Variants in PCDHGB6 observed in about 807,000 individuals in gnomAD.
PCDHGB6 encodes protocadherin gamma-B6.
In PCDHGB6, 51 loss-of-function variants were observed where a neutral mutation model predicts 59.1. The observed-to-expected ratio is 0.86, with a 90% CI of 0.69 to 1.09. The LOEUF (loss-of-function observed/expected upper bound fraction) is 1.09. Ranked by LOEUF, PCDHGB6 falls within the 50% of genes least tolerant of loss-of-function variation. The pLI is 0.00. For synonymous variants in PCDHGB6, 466 were observed against 495.1 expected, an observed-to-expected ratio of 0.94 and a Z score of 0.78; for missense variants, 1,148 against 1,205.1, an observed-to-expected ratio of 0.95 and a Z score of 0.70.
intron 1 of PCDHGB6, chr5:141,441,917 A>G (rs979307331): frequency 3.1e-5 from 11 of 352,364 alleles, no homozygotes; most frequent in African/African-American, 2.0e-4. Context: ...GATGTGAGAC[A>G]CAATGCGTGG....
chr5:141,433,079 A>C, intron 1 of PCDHGB6: 1 of 1,614,208 alleles, frequency 6.2e-7, no homozygotes, highest in South Asian at 1.1e-5. Flanking sequence ...CCCCCAGCCC[A>C]ACTATGCAGA....
intron 1 of PCDHGB6, among the ~76,000 whole-genome samples, chr5:141,492,670 C>T (rs567661944): frequency 6.6e-6 from 1 of 152,344 alleles, no homozygotes; most frequent in South Asian, 2.1e-4. Context: ...CCCGGGACTC[C>T]GTCTCAAGGG....
intron 1 of PCDHGB6, among the ~76,000 whole-genome samples, chr5:141,452,356 C>G (rs1008914676): frequency 6.6e-6 from 1 of 152,148 alleles, no homozygotes; most frequent in African/African-American, 2.4e-5. Flanking sequence ...ATCCAAAAGC[C>G]TTGCTTCATT....
At position 141,491,971 on chromosome 5, in the gene PCDHGB6, T is replaced by C. The variant is rs62379205; in HGVS notation, c.2419-2836T>C. ...CCTACACTCAAAAAAGGCCGGGGCC[T>C]CCTTCGAGCTTCCGGTGAATTTCGG... is the stretch of plus-strand genomic sequence containing the variant. On this transcript the variant is annotated intron_variant, in intron 1 of 3. Coordinates refer to ENST00000520790, the MANE Select transcript of PCDHGB6 (RefSeq NM_018926.3). This position sits in a 1 kb window ranked among gnomAD's most constrained non-coding sequence, Gnocchi z 6.9. The C allele has an allele frequency of 0.2, 165,735 of 830,872 alleles. 17,637 individuals are homozygous for C. Among genetic ancestry groups the C allele is most frequent in the Admixed American group, 0.32 (8,466 of 26,688 alleles). 51.5% of individuals were successfully genotyped at this position (830,872 alleles called of 1,614,324 possible).
At chr5:141,415,909 C>A in intron 1 of PCDHGB6, 1 of 761,030 alleles carries the variant, frequency 1.3e-6, no homozygotes, top group Non-Finnish European at 1.8e-6. Flanking sequence ...GACTTCCATA[C>A]AGAAGTGCCT....
chr5:141,445,093 A>G (rs987863232), intron 1 of PCDHGB6, among the ~76,000 whole-genome samples: 2 of 152,168 alleles, frequency 1.3e-5, no homozygotes, highest in Non-Finnish European at 2.9e-5. Flanking sequence ...TACATATTTG[A>G]TGTTTTCTAA....
Position 141,485,585 on chromosome 5 carries a change from C to G in PCDHGB6, c.2419-9222C>G, listed in dbSNP as rs373987810. The G allele has an allele frequency of 7.4e-6, 12 of 1,612,204 alleles. No individual in the cohort carries two copies. The highest frequency in any genetic ancestry group is 1.0e-5 in the Non-Finnish European group (12 of 1,178,590). On this transcript the variant is annotated intron_variant, in intron 1 of 3. Transcript: ENST00000520790. The surrounding 1 kb of genome is among the most constrained non-coding windows in gnomAD (Gnocchi z 5.7). ...CGCCCCCCGTTTTCCGCGGCAGCAG[C>G]TGGACTTGGAAATTGGGGAGGCAGC...
chr5:141,420,496 G>T, intron 1 of PCDHGB6: 1 of 495,924 alleles, frequency 2.0e-6, no homozygotes, highest in Non-Finnish European at 3.1e-6. Context: ...GTAATCTCCG[G>T]TGACATTTTT....
In PCDHGB6 at chr5:141,431,930, C is replaced by A. The variant is rs761060241; in HGVS notation, c.2418+21310C>A. 236 of 1,613,932 alleles carry A rather than the reference C, an allele frequency of 1.5e-4. 1 individual carries two copies. The highest frequency in any genetic ancestry group is 1.4e-3 in the South Asian group (124 of 91,086). The stretch of plus-strand genomic sequence containing the variant: ...GATCTGTTTCATCCAAGGAAATCTG[C>A]CCTTTAAATTAGAAAAATCTTACGG... On this transcript the variant is annotated intron_variant, in intron 1 of 3. Transcript: ENST00000520790. This position sits in a 1 kb window ranked among gnomAD's most constrained non-coding sequence, Gnocchi z 4.8.
rs779750859 is a variant in PCDHGB6, at chr5:141,476,273, A to G, written c.2419-18534A>G. On this transcript the variant is annotated intron_variant, in intron 1 of 3. Transcript: ENST00000520790. The surrounding 1 kb of genome is among the most constrained non-coding windows in gnomAD (Gnocchi z 7.6). Reference sequence around the variant, plus strand: ...TTTCGCTGTGGGCAACGTGGTCGCGAACCTTGGTTTGGATCTCGGTAGCCT... The same window carrying G: ...TTTCGCTGTGGGCAACGTGGTCGCGGACCTTGGTTTGGATCTCGGTAGCCT... 6.2e-7 allele frequency: 1 copy of G among 1,613,964 alleles called. No individual in the cohort carries two copies. The highest frequency in any genetic ancestry group is 1.1e-5 in the South Asian group (1 of 91,064).
intron 1 of PCDHGB6, among the ~76,000 whole-genome samples, chr5:141,451,703 A>G (rs975120935): frequency 6.6e-6 from 1 of 152,144 alleles, no homozygotes; most frequent in Non-Finnish European, 1.5e-5. Flanking sequence ...GTAACATGAC[A>G]AAACCCTGCC....
intron 1 of PCDHGB6, chr5:141,418,087 C>G (rs2096220274): frequency 6.2e-7 from 1 of 1,613,894 alleles, no homozygotes; most frequent in African/African-American, 1.3e-5. Context: ...TGCACTTCAG[C>G]GTAGACGCGC....
At position 141,477,591 on chromosome 5, in the gene PCDHGB6, T is replaced by C; in HGVS notation, c.2419-17216T>C. On this transcript the variant is annotated intron_variant, in intron 1 of 3. Coordinates refer to ENST00000520790, the MANE Select transcript of PCDHGB6 (RefSeq NM_018926.3). This position sits in a 1 kb window ranked among gnomAD's most constrained non-coding sequence, Gnocchi z 4.9. Reference sequence around the variant, plus strand: ...CCCGACGCCCCGCAGAATGCTCGGCTTTCTTTCTTTCTCTTGGAGCAAGGA... The same window carrying C: ...CCCGACGCCCCGCAGAATGCTCGGCCTTCTTTCTTTCTCTTGGAGCAAGGA... The C allele has an allele frequency of 6.2e-7, 1 of 1,614,136 alleles. No homozygotes were observed. The highest frequency in any genetic ancestry group is 8.5e-7 in the Non-Finnish European group (1 of 1,180,016).
intron 1 of PCDHGB6, among the ~76,000 whole-genome samples, chr5:141,447,285 A>G (rs143024915): frequency 0.046 from 7,013 of 152,060 alleles, 241 homozygotes; most frequent in African/African-American, 0.093. Context: ...GACTACAGGC[A>G]CATGCCACCA....
chr5:141,422,406 T>C, intron 1 of PCDHGB6: 1 of 1,601,224 alleles, frequency 6.2e-7, no homozygotes, highest in South Asian at 1.1e-5. Context: ...ACCTGCCTTT[T>C]AAATTAGAAA....
chr5:141,468,860 C>A (rs941902317), intron 1 of PCDHGB6, among the ~76,000 whole-genome samples: 16 of 151,980 alleles, frequency 1.1e-4, no homozygotes, highest in Admixed American at 4.6e-4. Context: ...AGCGAGACTC[C>A]ATCTCAAAAA....
chr5:141,433,093 G>A (rs1203083573), intron 1 of PCDHGB6: 4 of 1,614,206 alleles, frequency 2.5e-6, no homozygotes, highest in Admixed American at 1.7e-5. Flanking sequence ...ATGCAGACAT[G>A]CTCGTCAGCC....
Position 141,431,877 on chromosome 5 carries a change from AC to A in PCDHGB6, c.2418+21259del. 1 of 1,614,230 alleles carries A rather than the reference AC, an allele frequency of 6.2e-7. No individual in the cohort carries two copies. The highest frequency in any genetic ancestry group is 1.3e-5 in the African/African-American group (1 of 75,070). ...TTAATTGCCCTTTTAAATGTAAATGACCAAGATTCTGAGGAAAACGGACAGG... is the reference window on the plus strand; with the variant it reads ...TTAATTGCCCTTTTAAATGTAAATGACAAGATTCTGAGGAAAACGGACAGG... On this transcript the variant is annotated intron_variant, in intron 1 of 3. Coordinates refer to ENST00000520790, the MANE Select transcript of PCDHGB6 (RefSeq NM_018926.3). The surrounding 1 kb of genome is among the most constrained non-coding windows in gnomAD (Gnocchi z 4.8).
At chr5:141,423,750 TGGGGGGGG>T in intron 1 of PCDHGB6, 1 of 287,524 alleles carries the variant, frequency 3.5e-6, no homozygotes, top group Non-Finnish European at 4.5e-6. Flanking sequence ...GAAAACTGTT[TGGGGGGGG>T]GGTGGGGCGG....
Sources: allele counts gnomAD v4.1 joint callset (sites outside exome capture counted in the v4.1 genomes callset), GRCh38; gene constraint gnomAD v4.1.1; non-coding constraint Gnocchi (gnomAD v3.1); transcripts MANE v1.5; gene names NCBI Gene and HGNC (gene_info 2026-07-23, HGNC 2026-07-21).